FCHSD2: variants seen among roughly 807,000 people sequenced by gnomAD.
The protein encoded by FCHSD2 is FCH and double SH3 domains 2.
In FCHSD2, 38 loss-of-function variants were observed where a neutral mutation model predicts 108.1. The ratio of observed to expected loss-of-function variants is 0.35; its 90% CI spans 0.27 to 0.46. The LOEUF (loss-of-function observed/expected upper bound fraction) is 0.46. FCHSD2 is among the 20% of genes least tolerant of loss of function. The pLI is 1.00. For synonymous variants in FCHSD2, 279 were observed against 314.7 expected, an observed-to-expected ratio of 0.89 and a Z score of 1.20; for missense variants, 751 against 897.8, an observed-to-expected ratio of 0.84 and a Z score of 2.09.
intron 2 of FCHSD2, among the ~76,000 whole-genome samples, chr11:73,137,157 C>T (rs1001629556): frequency 2.0e-5 from 3 of 151,966 alleles, no homozygotes; most frequent in South Asian, 4.1e-4. Context: ...ATCATGAATA[C>T]CAAGAGGAGG....
intron 2 of FCHSD2, among the ~76,000 whole-genome samples, chr11:73,123,662 C>G (rs1860786342): frequency 6.6e-6 from 1 of 152,198 alleles, no homozygotes; most frequent in African/African-American, 2.4e-5. Flanking sequence ...TTTGAATAAA[C>G]TATACGATCT....
chr11:73,107,847 G>A (rs566540582), intron 2 of FCHSD2, among the ~76,000 whole-genome samples: 2 of 152,160 alleles, frequency 1.3e-5, no homozygotes, highest in African/African-American at 4.8e-5. Flanking sequence ...CCATTTATCT[G>A]CTGATGGACA....
At chr11:72,883,886 C>G (rs193113592) in intron 12 of FCHSD2, among the ~76,000 whole-genome samples, 1 of 149,852 alleles carries the variant, frequency 6.7e-6, no homozygotes, top group Non-Finnish European at 1.5e-5. Flanking sequence ...GAGTTGAGAT[C>G]GTGCCACTGC....
chr11:72,990,882 G>C (rs1340078085), intron 5 of FCHSD2, among the ~76,000 whole-genome samples: 3 of 151,996 alleles, frequency 2.0e-5, no homozygotes, highest in African/African-American at 7.2e-5. Flanking sequence ...ACGAAATAGA[G>C]ACACAAAAAA....
chr11:73,026,301 G>A (rs532757633), intron 3 of FCHSD2, among the ~76,000 whole-genome samples: 1 of 152,100 alleles, frequency 6.6e-6, no homozygotes, highest in Non-Finnish European at 1.5e-5. Flanking sequence ...GAAATATTCT[G>A]TATGAGGACT....
intron 3 of FCHSD2, among the ~76,000 whole-genome samples, chr11:73,040,300 T>G (rs1211220128): frequency 6.6e-6 from 1 of 152,178 alleles, no homozygotes; most frequent in Non-Finnish European, 1.5e-5. Flanking sequence ...TGTTTCGCAG[T>G]CATGTGGAAA....
chr11:72,902,166 C>T (rs377532751), intron 10 of FCHSD2, among the ~76,000 whole-genome samples: 6 of 152,104 alleles, frequency 3.9e-5, no homozygotes, highest in South Asian at 2.1e-4. Context: ...TGAGCCACAG[C>T]GCACGGCCTA....
At chr11:72,908,505 T>C (rs1447171775) in intron 9 of FCHSD2, among the ~76,000 whole-genome samples, 2 of 152,220 alleles carry the variant, frequency 1.3e-5, no homozygotes, top group African/African-American at 4.8e-5. Context: ...AGCAACAGTA[T>C]ACAAGGGCTC....
intron 8 of FCHSD2, among the ~76,000 whole-genome samples, chr11:72,936,508 C>T (rs1399706105): frequency 1.3e-5 from 2 of 152,196 alleles, no homozygotes; most frequent in Non-Finnish European, 2.9e-5. Context: ...GGTGCCATGG[C>T]TCATGCCTGT....
At chr11:72,997,953 A>G (rs965100376) in intron 5 of FCHSD2, among the ~76,000 whole-genome samples, 2 of 152,172 alleles carry the variant, frequency 1.3e-5, no homozygotes, top group African/African-American at 4.8e-5. Flanking sequence ...TTGGCCTCCC[A>G]AAGTGCTGAA....
chr11:73,121,011 G>A (rs1475496072), intron 2 of FCHSD2, among the ~76,000 whole-genome samples: 1 of 152,074 alleles, frequency 6.6e-6, no homozygotes, highest in Non-Finnish European at 1.5e-5. Context: ...GAGGCAGAGA[G>A]CTACTAGTTG....
At chr11:73,109,083 A>G (rs1050290181) in intron 2 of FCHSD2, among the ~76,000 whole-genome samples, 1 of 152,136 alleles carries the variant, frequency 6.6e-6, no homozygotes, top group Non-Finnish European at 1.5e-5. Context: ...ATTCTGTTCC[A>G]TTGACCTGTG....
At chr11:73,093,867 A>G (rs914893229) in intron 2 of FCHSD2, among the ~76,000 whole-genome samples, 3 of 151,794 alleles carry the variant, frequency 2.0e-5, no homozygotes, top group Non-Finnish European at 2.9e-5. Context: ...GGCCTCCCAA[A>G]GTGTTGGGAT....
At chr11:72,937,051 A>C (rs1359350319) in intron 8 of FCHSD2, among the ~76,000 whole-genome samples, 1 of 152,176 alleles carries the variant, frequency 6.6e-6, no homozygotes. Flanking sequence ...CTGCTCATCA[A>C]CCCTACCATC....
intron 4 of FCHSD2, among the ~76,000 whole-genome samples, chr11:73,008,702 T>C (rs769483198): frequency 8.6e-5 from 13 of 152,028 alleles, no homozygotes; most frequent in Admixed American, 2.0e-4. Context: ...GGAAAAACAA[T>C]AGAAGATTTT....
At chr11:72,969,761 C>A (rs964915656) in intron 8 of FCHSD2, among the ~76,000 whole-genome samples, 3 of 152,196 alleles carry the variant, frequency 2.0e-5, no homozygotes, top group Non-Finnish European at 4.4e-5. Flanking sequence ...TAGAGTTCAG[C>A]AAACTCCACA....
At chr11:72,940,726 A>G (rs1163404609) in intron 8 of FCHSD2, 10 of 919,930 alleles carry the variant, frequency 1.1e-5, no homozygotes, top group Non-Finnish European at 1.8e-5. Context: ...CCCAGTTCCT[A>G]AGGGTGCAAC....
intron 8 of FCHSD2, among the ~76,000 whole-genome samples, chr11:72,933,543 C>T (rs1436892983): frequency 1.3e-5 from 2 of 152,128 alleles, no homozygotes; most frequent in African/African-American, 4.8e-5. Context: ...TATTTGCAAT[C>T]AAAAGACTTC....
rs1202261592 is a variant in FCHSD2 at position 73,015,848 on chromosome 11, T to C, written c.203A>G (p.Asp68Gly). 11 of 1,606,582 alleles carry C rather than the reference T, an allele frequency of 6.8e-6. No individual in the cohort carries two copies. Among genetic ancestry groups the C allele is most frequent in the Non-Finnish European group, 9.4e-6 (11 of 1,175,718 alleles). The change falls in exon 4 of 20, where the codon GAT (aspartate) becomes GGT (glycine). Residue 68 changes from aspartate (D) to glycine (G), a missense_variant. Asp to Gly is a moderately conservative substitution (Grantham distance 94). Transcript: ENST00000409418. ...ATCATCAGCTTTTACTCCAGGCCAA[T>C]CTCTCTTCAGGTATTGACTAGCCAA... is the stretch of plus-strand genomic sequence containing the variant. Reference protein sequence around the residue: ...QKLASQYLKRDWPGVKADDRN... With the variant: ...QKLASQYLKRGWPGVKADDRN...
Sources: allele counts gnomAD v4.1 joint callset (sites outside exome capture counted in the v4.1 genomes callset), GRCh38; gene constraint gnomAD v4.1.1; transcripts MANE v1.5; gene names NCBI Gene and HGNC (gene_info 2026-07-23, HGNC 2026-07-21).